USP6: variants seen among roughly 807,000 people sequenced by gnomAD.
USP6 encodes ubiquitin carboxyl-terminal hydrolase 6.
Under a neutral mutation model 175.7 loss-of-function variants are expected in USP6, and 128 were observed. That is an observed-to-expected ratio of 0.73 (90% CI 0.63 to 0.84). The LOEUF (loss-of-function observed/expected upper bound fraction) is 0.84, where lower values mean the gene tolerates loss of function less well. Ranked by LOEUF, USP6 falls within the 40% of genes least tolerant of loss-of-function variation. The pLI is 0.00. For missense variants in USP6, 1,498 were observed against 1,760.3 expected, an observed-to-expected ratio of 0.85 and a Z score of 2.67; for synonymous variants, 562 against 630.6, an observed-to-expected ratio of 0.89 and a Z score of 1.63.
chr17:5,142,697 A>G (rs1210500090), intron 25 of USP6, among the ~76,000 whole-genome samples, 195 bp downstream of exon 25: 2 of 152,208 alleles, frequency 1.3e-5, no homozygotes, highest in Admixed American at 6.5e-5. Context: ...AGTGGGTAGG[A>G]TAAAGACCAA....
chr17:5,134,993 GAAA>G, intron 15 of USP6: 5 of 418,748 alleles, frequency 1.2e-5, no homozygotes, highest in African/African-American at 8.3e-5. Context: ...GTGTGCAAAA[GAAA>G]AAAAAAATCA....
chr17:5,170,700 C>A lies in USP6; in HGVS notation c.3739C>A (p.His1247Asn). Residue 1247 changes from histidine (H) to asparagine (N), a missense_variant, in exon 36 of 38, where the codon CAT (histidine) becomes AAT (asparagine). Physicochemically the swap from His to Asn is moderately conservative, Grantham distance 68. Coordinates refer to ENST00000574788, the MANE Select transcript of USP6 (RefSeq NM_001304284.2). The stretch of plus-strand genomic sequence containing the variant: ...GCTGGCTGACGCCTTGAGCCGAGGG[C>A]ATATGCGGGGGGGCAGCCAACCAGA... ...CELADALSRG[H>N]MRGGSQPELV... 6.2e-7 allele frequency: 1 copy of A among 1,613,928 alleles called. No individual in the cohort carries two copies.
chr17:5,158,597 G>C (rs551192344), intron 31 of USP6, among the ~76,000 whole-genome samples: 1 of 138,890 alleles, frequency 7.2e-6, no homozygotes, highest in East Asian at 2.1e-4. Context: ...GAGAGAGAGA[G>C]AGAGAGAGGG....
At chr17:5,140,968 T>G (rs2073427845) in intron 22 of USP6, among the ~76,000 whole-genome samples, 1 of 152,210 alleles carries the variant, frequency 6.6e-6, no homozygotes, top group Non-Finnish European at 1.5e-5. Context: ...TTTTAAGAGA[T>G]AAAGTCTCAC....
chr17:5,128,058 C>G (rs2072946246), intron 7 of USP6, among the ~76,000 whole-genome samples: 1 of 152,198 alleles, frequency 6.6e-6, no homozygotes, highest in African/African-American at 2.4e-5. Context: ...GGACCCTGCA[C>G]TGGGCATCTG....
At chr17:5,139,167 A>G (rs2073361163) in intron 21 of USP6, 88 bp from the exon 22 acceptor site, 1 of 1,597,970 alleles carries the variant, frequency 6.3e-7, no homozygotes, top group African/African-American at 1.3e-5. Context: ...GACCCCAAGG[A>G]CTCCAGAGAT....
chr17:5,129,985 A>G lies in USP6; in HGVS notation c.-106A>G, dbSNP rs1312894262. The G allele has an allele frequency of 1.8e-5, 5 of 275,086 alleles. No individual in the cohort carries two copies. The highest frequency in any genetic ancestry group is 1.3e-3 in the Middle Eastern group (1 of 786). The allele number at this position is 275,086 out of a possible 1,614,324, so 17.0% of individuals were successfully genotyped here. On this transcript the variant is annotated 5_prime_UTR_variant, in exon 9 of 38. Transcript: ENST00000574788. ...GAACATCCCAGGAGGCCGATCGTAC[A>G]GAGACCTCTGGTGCCTGACCGCAGT...
Position 5,144,765 on chromosome 17 carries a change from T to C in USP6, c.1894T>C (p.Leu632=). 1.9e-6 allele frequency: 3 copies of C among 1,613,812 alleles called. No homozygotes were observed. Among genetic ancestry groups the C allele is most frequent in the Non-Finnish European group, 2.5e-6 (3 of 1,179,818 alleles). ...CTCCCAAGAACTTCTGGCTTTTCTC[T>C]TGGATGGTCTTCATGAAGATCTCAA... ...QDSQELLAFL[L]DGLHEDLNRV... Residue 632 remains leucine (L), a synonymous_variant, in exon 26 of 38, where the codon TTG becomes CTG. Coordinates refer to ENST00000574788, the MANE Select transcript of USP6 (RefSeq NM_001304284.2).
chr17:5,116,183 G>A lies in USP6; in HGVS notation c.-2485G>A, dbSNP rs961099098. Among the ~76,000 whole-genome samples the A allele has an allele frequency of 1.4e-5, 2 of 147,668 alleles. No individual in the cohort carries two copies. The highest frequency in any genetic ancestry group is 2.4e-5 in the African/African-American group (1 of 41,046). On this transcript the variant is annotated 5_prime_UTR_variant, in exon 1 of 38. It removes the in-frame stop codon of an upstream open reading frame in the 5' UTR. Coordinates refer to ENST00000574788, the MANE Select transcript of USP6 (RefSeq NM_001304284.2). ...GCCCATGCTGTCCCCGCTCCAACTA[G>A]CAGTCAGGAGGGGCCGCGGGCAGCG... is the stretch of plus-strand genomic sequence containing the variant.
chr17:5,170,565 A>G lies in USP6; in HGVS notation c.3604A>G (p.Arg1202Gly). Residue 1202 changes from arginine to glycine, a missense_variant, in exon 36 of 38, where the codon AGG (arginine) becomes GGG (glycine). Arg to Gly is a moderately radical substitution (Grantham distance 125). Around this residue, in one of 2 missense-constraint regions of USP6, gnomAD observed 1,217 missense variants for 1,500.8 expected, o/e 0.81. Coordinates refer to ENST00000574788, the MANE Select transcript of USP6 (RefSeq NM_001304284.2). ...TAATAGCAGCCCACGGACTTTGGGG[A>G]GGAGCAAAGGGAGGCTCCGGCTGCC... Reference protein sequence around the residue: ...SPNSSPRTLGRSKGRLRLPQI... With the variant: ...SPNSSPRTLGGSKGRLRLPQI... 1 of 1,612,196 alleles carries G rather than the reference A, an allele frequency of 6.2e-7. No individual in the cohort carries two copies. Among genetic ancestry groups the G allele is most frequent in the Non-Finnish European group, 8.5e-7 (1 of 1,179,836 alleles).
chr17:5,148,665 T>A lies in USP6; in HGVS notation c.2541T>A (p.Cys847Ter), dbSNP rs2144023445. 6.2e-7 allele frequency: 1 copy of A among 1,613,968 alleles called. No individual in the cohort carries two copies. The highest frequency in any genetic ancestry group is 8.5e-7 in the Non-Finnish European group (1 of 1,179,860). The change falls in exon 30 of 38, where the codon TGT becomes TGA. Residue 847 changes from cysteine (C) to a stop codon, truncating the protein, a stop_gained. Coordinates refer to ENST00000574788, the MANE Select transcript of USP6 (RefSeq NM_001304284.2). LOFTEE classifies it high-confidence loss of function. ...GAATGCCAAACACTGTTGTGCCATG[T>A]GGAACTGAGAAGAACTTCACAAATG... Reference protein sequence around the residue: ...PNGMPNTVVPCGTEKNFTNGM... With the variant: ...PNGMPNTVVP
chr17:5,125,678 G>GCGCGCA (rs1344445678), intron 5 of USP6, 143 bp from the exon 6 acceptor site: 34 of 137,684 alleles, frequency 2.5e-4, no homozygotes, highest in African/African-American at 7.9e-4. Context: ...ACACGCACAT[G>GCGCGCA]CACACACACA....
rs747132807 is a variant in USP6, at chr17:5,144,790, A to T, written c.1919A>T (p.Asn640Ile). ...FLLDGLHEDLNRVHEKPYVEL... is the reference protein window; with the variant it reads ...FLLDGLHEDLIRVHEKPYVEL... ...TTGGATGGTCTTCATGAAGATCTCA[A>T]CCGAGTCCATGAAAAGCCATATGTG... The change falls in exon 26 of 38, where the codon AAC becomes ATC. Residue 640 changes from asparagine (N) to isoleucine (I), a missense_variant. By Grantham distance (149) the Asn-to-Ile change is moderately radical (BLOSUM62 -3). Coordinates refer to ENST00000574788, the MANE Select transcript of USP6 (RefSeq NM_001304284.2). 32 of 1,613,810 alleles carry T rather than the reference A, an allele frequency of 2.0e-5. No individual in the cohort carries two copies. The highest frequency in any genetic ancestry group is 2.6e-5 in the Non-Finnish European group (31 of 1,179,744).
chr17:5,158,673 T>C (rs1193449279), intron 31 of USP6, among the ~76,000 whole-genome samples: 2 of 27,586 alleles, frequency 7.3e-5, no homozygotes, highest in East Asian at 8.6e-4. Flanking sequence ...GAGAGAGAGA[T>C]TGAGAAGAAG....
In USP6 at chr17:5,142,014, A is replaced by G; in HGVS notation, c.1585A>G (p.Lys529Glu). The change falls in exon 24 of 38, where the codon AAG becomes GAG. Residue 529 changes from lysine to glutamate, a missense_variant. Physicochemically the swap from Lys to Glu is moderately conservative, Grantham distance 56. Transcript: ENST00000574788. ...KIDRQKVPTE[K>E]GATGLSNLGN... ...ATTGTTTGTTCCAGTTCCCACAGAA[A>G]AGGGAGCCACAGGTCTAAGCAACCT... 6.2e-7 allele frequency: 1 copy of G among 1,612,734 alleles called. No homozygotes were observed. The highest frequency in any genetic ancestry group is 8.5e-7 in the Non-Finnish European group (1 of 1,179,506).
chr17:5,144,614 G>T (rs1169367051), intron 25 of USP6, 76 bp from the exon 26 acceptor site: 1 of 1,496,960 alleles, frequency 6.7e-7, no homozygotes, highest in South Asian at 1.2e-5. Context: ...CAATGGCTCT[G>T]ATTGGATTAT....
intron 4 of USP6, among the ~76,000 whole-genome samples, chr17:5,123,600 C>T (rs2072781528): frequency 6.6e-6 from 1 of 152,254 alleles, no homozygotes; most frequent in South Asian, 2.1e-4. Context: ...CCTGGGACCC[C>T]GTGTGCGCAC....
At position 5,172,900 on chromosome 17, in the gene USP6, T is replaced by C. The variant is rs1567818994; in HGVS notation, c.4143T>C (p.Asp1381=). ...IDYAQFLPKI[D]GKKMADTSST... ...ACGCACAATTTCTGCCAAAGATTGATGGCAAAAAGATGGCAGACACAAGCA... is the reference window on the plus strand; with the variant it reads ...ACGCACAATTTCTGCCAAAGATTGACGGCAAAAAGATGGCAGACACAAGCA... The change falls in exon 38 of 38, where the codon GAT becomes GAC. Residue 1381 remains aspartate (D), a synonymous_variant. Coordinates refer to ENST00000574788, the MANE Select transcript of USP6 (RefSeq NM_001304284.2). The C allele has an allele frequency of 1.9e-6, 3 of 1,613,834 alleles. No homozygotes were observed. The highest frequency in any genetic ancestry group is 1.3e-5 in the African/African-American group (1 of 74,910).
Position 5,139,015 on chromosome 17 carries a change from C to G in USP6, c.1079-240C>G, listed in dbSNP as rs772749316. On this transcript the variant is annotated intron_variant, in intron 21 of 37. Transcript: ENST00000574788. ...AAGGTGTGTGGCAGGAAGCCCCCAG[C>G]CAGTCTGAACCCTGGGGGCAGTCCC... 1.9e-5 allele frequency: 30 copies of G among 1,550,846 alleles called. No homozygotes were observed. The East Asian group carries it at 6.7e-4, about 35-fold the overall frequency.
Sources: gnomAD v4.1 joint callset for allele counts (sites outside exome capture counted in the v4.1 genomes callset) on GRCh38, gnomAD v4.1.1 for gene constraint, gnomAD v4.1.1 regional missense constraint, MANE v1.5 for transcripts, NCBI Gene and HGNC (gene_info 2026-07-23, HGNC 2026-07-21) for gene names.